The following DNAH5 variants were observed in gnomAD, a reference collection of about 807,000 sequenced individuals.
DNAH5 encodes axonemal beta dynein heavy chain 5.
Under a neutral mutation model 518.2 loss-of-function variants are expected in DNAH5, and 372 were observed. The observed-to-expected ratio is 0.72, with a 90% CI of 0.66 to 0.78. The LOEUF (loss-of-function observed/expected upper bound fraction) is 0.78. Ranked by LOEUF, DNAH5 falls within the 30% of genes least tolerant of loss-of-function variation. The pLI, the probability that DNAH5 is intolerant of heterozygous loss-of-function variation, is 0.00. For synonymous variants in DNAH5, 2,039 were observed against 2,025.9 expected, an observed-to-expected ratio of 1.01 and a Z score of -0.17; for missense variants, 5,523 against 5,687.0, an observed-to-expected ratio of 0.97 and a Z score of 0.93.
At position 13,864,551 on chromosome 5, in the gene DNAH5, G is replaced by C. The variant is rs144958262; in HGVS notation, c.4442C>G (p.Pro1481Arg). 10 of 1,613,928 alleles carry C rather than the reference G, an allele frequency of 6.2e-6. No individual in the cohort carries two copies. Among genetic ancestry groups the C allele is most frequent in the Admixed American group, 3.3e-5 (2 of 59,978 alleles). The change falls in exon 28 of 79, where the codon CCG (proline) becomes CGG (arginine). Residue 1481 changes from proline to arginine, a missense_variant. Coordinates refer to ENST00000265104, the MANE Select transcript of DNAH5 (RefSeq NM_001369.3). The part of the protein sequence containing the change: ...KIIDDFSECC[P>R]LLEYMASKAM... Reference sequence around the variant, plus strand: ...TTTACTGGCCATGTATTCCAGCAGCGGGCAACACTCGCTGAAATCATCAAT... The same window carrying C: ...TTTACTGGCCATGTATTCCAGCAGCCGGCAACACTCGCTGAAATCATCAAT...
At chr5:13,776,756 G>T in intron 54 of DNAH5, 50 bp from the exon 55 acceptor site, 1 of 1,592,102 alleles carries the variant, frequency 6.3e-7, no homozygotes, top group Non-Finnish European at 8.6e-7. Flanking sequence ...TAGGAAAATA[G>T]ATCAAAATGT....
intron 65 of DNAH5, among the ~76,000 whole-genome samples, chr5:13,738,295 G>GA (rs1747877933): frequency 6.6e-6 from 1 of 151,896 alleles, no homozygotes; most frequent in South Asian, 2.1e-4. Flanking sequence ...TGAAGACAAA[G>GA]ATATATATCT....
rs192737096 is a variant in DNAH5, at chr5:13,797,089, A to G, written c.7888-3031T>C. ...AGACTTAAATGTTAGACCTGAAACT[A>G]TAAAAACCCTAGAGGAAAACTTAGG... On this transcript the variant is annotated intron_variant, in intron 47 of 78. Transcript: ENST00000265104. Among the ~76,000 whole-genome samples the G allele has an allele frequency of 3.8e-4, 58 of 152,360 alleles. No individual in the cohort carries two copies. In the East Asian group the frequency reaches 0.011, roughly 28 times the overall value.
intron 33 of DNAH5, 104 bp downstream of exon 33, chr5:13,841,588 G>C (rs1765170714): frequency 1.1e-6 from 1 of 872,160 alleles, no homozygotes; most frequent in South Asian, 1.4e-5. Flanking sequence ...CTTAATACTG[G>C]TCTAGAGTTA....
rs886060012 is a variant in DNAH5, at chr5:13,913,859, C to T, written c.1420G>A (p.Glu474Lys). Reference protein sequence around the residue: ...FSEMYIFGKFETFHRRLAKII... With the variant: ...FSEMYIFGKFKTFHRRLAKII... ...TTGGCAAGGCGTCGGTGAAAAGTTT[C>T]GAATTTTCCAAAAATATACATCTCG... is the stretch of plus-strand genomic sequence containing the variant. The change falls in exon 11 of 79, where the codon GAA (glutamate) becomes AAA (lysine). Residue 474 changes from glutamate (E) to lysine (K), a missense_variant. By Grantham distance (56) the Glu-to-Lys change is moderately conservative (BLOSUM62 1). Transcript: ENST00000265104. The T allele has an allele frequency of 1.7e-5, 27 of 1,613,532 alleles. No homozygotes were observed. Among genetic ancestry groups the T allele is most frequent in the Middle Eastern group, 1.7e-4 (1 of 6,060 alleles).
At chr5:13,936,223 C>T (rs2152017262) in intron 1 of DNAH5, among the ~76,000 whole-genome samples, 1 of 152,286 alleles carries the variant, frequency 6.6e-6, no homozygotes, top group Admixed American at 6.5e-5. Context: ...CCACAATTTC[C>T]TCAACTACAA....
At chr5:13,926,227 C>T (rs928076331) in intron 3 of DNAH5, among the ~76,000 whole-genome samples, 1 of 152,186 alleles carries the variant, frequency 6.6e-6, no homozygotes, top group Admixed American at 6.5e-5. Flanking sequence ...GTGAGCGAGA[C>T]TGGTGGCTTA....
intron 1 of DNAH5, among the ~76,000 whole-genome samples, chr5:13,950,108 A>G (rs1312320796): frequency 2.0e-5 from 3 of 152,218 alleles, no homozygotes; most frequent in South Asian, 2.1e-4. Context: ...CTATCTTATA[A>G]CATGGTACAC....
intron 30 of DNAH5, 34 bp from the exon 31 acceptor site, chr5:13,850,849 T>G (rs752156670): frequency 1.9e-6 from 3 of 1,609,448 alleles, no homozygotes; most frequent in Non-Finnish European, 1.7e-6. Flanking sequence ...ACACTTAGAT[T>G]TGGACACATC....
chr5:13,963,199 T>C (rs546046217), intron 1 of DNAH5, among the ~76,000 whole-genome samples: 178 of 152,256 alleles, frequency 1.2e-3, no homozygotes, highest in African/African-American at 4.2e-3. Context: ...TGAGATGACA[T>C]ACAACTCTCT....
intron 68 of DNAH5, among the ~76,000 whole-genome samples, chr5:13,734,308 A>G (rs2126602095): frequency 6.6e-6 from 1 of 152,312 alleles, no homozygotes; most frequent in East Asian, 1.9e-4. Context: ...TCTGTTGTTT[A>G]TTAGCCACCC....
chr5:13,914,598 AT>A lies in DNAH5; in HGVS notation c.1241del (p.Asn414IlefsTer25). ...IISACKAYIT[N>X]NGTASIWNQP... Reference sequence around the variant, plus strand: ...GGTTCCAGATGGAAGCGGTTCCATTATTGGTAATATAGGCTTTACATGCAGA... The same window carrying A: ...GGTTCCAGATGGAAGCGGTTCCATTATGGTAATATAGGCTTTACATGCAGA... On this transcript the variant is annotated frameshift_variant, in exon 10 of 79. Coordinates refer to ENST00000265104, the MANE Select transcript of DNAH5 (RefSeq NM_001369.3). LOFTEE classifies it high-confidence loss of function. The A allele has an allele frequency of 1.2e-6, 2 of 1,613,266 alleles. No homozygotes were observed. Among genetic ancestry groups the A allele is most frequent in the Non-Finnish European group, 1.7e-6 (2 of 1,179,310 alleles).
At chr5:13,934,068 A>G (rs1006407531) in intron 1 of DNAH5, among the ~76,000 whole-genome samples, 10 of 152,162 alleles carry the variant, frequency 6.6e-5, no homozygotes, top group Non-Finnish European at 1.0e-4. Flanking sequence ...TTTCACCAAA[A>G]AAAAAATCTG....
Position 13,824,269 on chromosome 5 carries a change from C to T in DNAH5, c.6509G>A (p.Arg2170Lys), listed in dbSNP as rs752883195. 4.3e-6 allele frequency: 7 copies of T among 1,614,098 alleles called. No homozygotes were observed. In the Admixed American group the frequency reaches 1.2e-4, roughly 27 times the overall value. The change falls in exon 39 of 79, where the codon AGA (arginine) becomes AAA (lysine). Residue 2170 changes from arginine (R) to lysine (K), a missense_variant. Transcript: ENST00000265104. ...SVLRTLGAAK[R>K]ANPMDTESTI... ...GGACTCCGTATCCATTGGATTGGCTCTTTTTGCTGCTCCCAAGGTCCGAAG... is the reference window on the plus strand; with the variant it reads ...GGACTCCGTATCCATTGGATTGGCTTTTTTTGCTGCTCCCAAGGTCCGAAG...
At chr5:13,954,018 T>G (rs1182890853) in intron 1 of DNAH5, among the ~76,000 whole-genome samples, 1 of 152,192 alleles carries the variant, frequency 6.6e-6, no homozygotes, top group Admixed American at 6.5e-5. Flanking sequence ...AGTTCCTGTT[T>G]TAATAGAAAC....
chr5:13,845,537 T>A (rs16902842), intron 31 of DNAH5, among the ~76,000 whole-genome samples: 1 of 151,620 alleles, frequency 6.6e-6, no homozygotes, highest in South Asian at 2.1e-4. Flanking sequence ...TCGTCTCTGC[T>A]TCCAGGAGTT....
chr5:13,874,261 G>A (rs939870809), intron 22 of DNAH5, among the ~76,000 whole-genome samples: 1 of 152,160 alleles, frequency 6.6e-6, no homozygotes, highest in Non-Finnish European at 1.5e-5. Context: ...AAGATTCCCA[G>A]AAATGGATAG....
At chr5:13,834,258 AAC>A (rs1210884699) in intron 35 of DNAH5, among the ~76,000 whole-genome samples, 1 of 152,222 alleles carries the variant, frequency 6.6e-6, no homozygotes, top group Non-Finnish European at 1.5e-5. Flanking sequence ...CAAGACAATG[AAC>A]ACAGTGGAAG....
chr5:13,737,674 C>T (rs1026750697), intron 65 of DNAH5, among the ~76,000 whole-genome samples, 179 bp from the exon 66 acceptor site: 4 of 152,074 alleles, frequency 2.6e-5, no homozygotes, highest in African/African-American at 4.8e-5. Flanking sequence ...CCTGTAATCC[C>T]AGCACTTTGG....
Sources: gnomAD v4.1 joint callset for allele counts (sites outside exome capture counted in the v4.1 genomes callset) on GRCh38, gnomAD v4.1.1 for gene constraint, MANE v1.5 for transcripts, NCBI Gene and HGNC (gene_info 2026-07-23, HGNC 2026-07-21) for gene names.